SAMD4A: variants seen among roughly 807,000 people sequenced by gnomAD.
SAMD4A encodes protein Smaug homolog 1.
SAMD4A carries 33 observed loss-of-function variants against 81.3 expected under a neutral mutation model. That is an observed-to-expected ratio of 0.41 (90% CI 0.31 to 0.54). SAMD4A has a LOEUF of 0.54. Among genes scored for constraint, SAMD4A ranks in the 20% least tolerant of loss-of-function variants. SAMD4A has a pLI of 0.37. For missense variants in SAMD4A, 854 were observed against 951.1 expected, an observed-to-expected ratio of 0.90 and a Z score of 1.34; for synonymous variants, 389 against 382.1, an observed-to-expected ratio of 1.02 and a Z score of -0.21.
intron 2 of SAMD4A, among the ~76,000 whole-genome samples, chr14:54,628,780 A>C (rs2034826201): frequency 6.6e-6 from 1 of 152,208 alleles, no homozygotes; most frequent in Non-Finnish European, 1.5e-5. Flanking sequence ...TGTAGCTTGT[A>C]AGTGGCTGAG....
At position 54,607,745 on chromosome 14, in the gene SAMD4A, C is replaced by T. The variant is rs528612092; in HGVS notation, c.196+39633C>T. Among the ~76,000 whole-genome samples the T allele has an allele frequency of 1.9e-3, 283 of 152,194 alleles. 1 individual carries two copies. The highest frequency in any genetic ancestry group is 6.5e-3 in the African/African-American group (272 of 41,536). On this transcript the variant is annotated intron_variant, in intron 2 of 12. Coordinates refer to ENST00000554335, the MANE Select transcript of SAMD4A (RefSeq NM_015589.6). ...CTGGGATTACAGGCGTGAGCCACCG[C>T]GCCCGGCCTCAAGGTCTTATTTTAA... is the stretch of plus-strand genomic sequence containing the variant.
At chr14:54,673,691 G>C (rs1055637481) in intron 2 of SAMD4A, among the ~76,000 whole-genome samples, 1 of 152,240 alleles carries the variant, frequency 6.6e-6, no homozygotes, top group Admixed American at 6.5e-5. Flanking sequence ...GCAGCCCTTA[G>C]GAGGGAGCAG....
intron 2 of SAMD4A, chr14:54,690,202 G>A (rs2036396459): frequency 1.3e-5 from 2 of 152,134 alleles, no homozygotes; most frequent in South Asian, 4.2e-4. Flanking sequence ...CTCAATTGTG[G>A]TAGAGAAAAG....
chr14:54,603,051 C>T (rs915544399), intron 2 of SAMD4A, among the ~76,000 whole-genome samples: 7 of 152,210 alleles, frequency 4.6e-5, no homozygotes, highest in African/African-American at 1.7e-4. Context: ...TTTCTGGTTA[C>T]TCATAGAGTT....
chr14:54,672,658 T>C (rs77940074), intron 2 of SAMD4A, among the ~76,000 whole-genome samples: 8,942 of 152,322 alleles, frequency 0.059, 350 homozygotes, highest in Middle Eastern at 0.13. Flanking sequence ...AGAATAGTAT[T>C]ATTTTTTAAG....
At chr14:54,579,200 C>T (rs10134895) in intron 2 of SAMD4A, among the ~76,000 whole-genome samples, 5,709 of 152,262 alleles carry the variant, frequency 0.037, 358 homozygotes, top group African/African-American at 0.13. Context: ...AGAAGCAGAA[C>T]GAGTGGTTGT....
chr14:54,698,698 G>T (rs1009095217), intron 2 of SAMD4A, among the ~76,000 whole-genome samples: 1 of 152,210 alleles, frequency 6.6e-6, no homozygotes, highest in South Asian at 2.1e-4. Context: ...TCTGATTTCT[G>T]TGTTCCCAGT....
intron 6 of SAMD4A, among the ~76,000 whole-genome samples, chr14:54,757,383 TTGTGTGTGTGTGTGTGTG>T (rs3051653): frequency 5.0e-5 from 7 of 140,062 alleles, no homozygotes; most frequent in East Asian, 2.1e-4. Context: ...GTTTCTTTAT[TTGTGTGTGTGTGTGTGTG>T]TGTGTGTGTG....
intron 2 of SAMD4A, among the ~76,000 whole-genome samples, chr14:54,658,138 C>T (rs1008629999): frequency 5.9e-5 from 9 of 152,160 alleles, no homozygotes; most frequent in East Asian, 3.9e-4. Flanking sequence ...GGCGAAACCC[C>T]GTCACCACAA....
At chr14:54,728,859 G>A (rs374276825) in intron 3 of SAMD4A, among the ~76,000 whole-genome samples, 43 of 152,282 alleles carry the variant, frequency 2.8e-4, no homozygotes, top group African/African-American at 2.4e-4. Context: ...TCTGCTGGCC[G>A]TAGGATTTAG....
intron 12 of SAMD4A, among the ~76,000 whole-genome samples, chr14:54,785,756 A>G (rs2039124432): frequency 6.6e-6 from 1 of 152,180 alleles, no homozygotes; most frequent in Non-Finnish European, 1.5e-5. Context: ...GAAACCAAAT[A>G]TGAAATAGAT....
At chr14:54,665,626 A>C (rs1043803674) in intron 2 of SAMD4A, among the ~76,000 whole-genome samples, 1 of 152,228 alleles carries the variant, frequency 6.6e-6, no homozygotes, top group Non-Finnish European at 1.5e-5. Flanking sequence ...CCAAATTCAG[A>C]GCAGATGGTG....
At chr14:54,675,367 C>CAAAAGAAAAAAAAAAAA (rs2035969877) in intron 2 of SAMD4A, among the ~76,000 whole-genome samples, 1 of 75,390 alleles carries the variant, frequency 1.3e-5, no homozygotes, top group African/African-American at 4.8e-5. Flanking sequence ...ACTCCGTCTC[C>CAAAAGAAAAAAAAAAAA]AAAAAAAAAA....
At chr14:54,766,809 A>G (rs1014440424) in intron 8 of SAMD4A, among the ~76,000 whole-genome samples, 22 of 152,196 alleles carry the variant, frequency 1.4e-4, no homozygotes, top group African/African-American at 5.3e-4. Context: ...AGAAATCGTG[A>G]GTCCTCCAGC....
chr14:54,676,298 T>C (rs1310235490), intron 2 of SAMD4A, among the ~76,000 whole-genome samples: 1 of 152,250 alleles, frequency 6.6e-6, no homozygotes, highest in Non-Finnish European at 1.5e-5. Flanking sequence ...CCTATGGTAT[T>C]GGTTTCAAAC....
At chr14:54,640,692 A>G (rs1351348857) in intron 2 of SAMD4A, among the ~76,000 whole-genome samples, 1 of 152,128 alleles carries the variant, frequency 6.6e-6, no homozygotes, top group Non-Finnish European at 1.5e-5. Context: ...CAGCAGCTTC[A>G]TCAGCATGCC....
intron 2 of SAMD4A, among the ~76,000 whole-genome samples, chr14:54,617,065 T>C (rs2034507085): frequency 6.6e-6 from 1 of 152,150 alleles, no homozygotes; most frequent in Non-Finnish European, 1.5e-5. Context: ...TATACAAATA[T>C]ATATTTAAAA....
chr14:54,613,257 GACA>G (rs2034409483), intron 2 of SAMD4A, among the ~76,000 whole-genome samples: 1 of 152,178 alleles, frequency 6.6e-6, no homozygotes, highest in Non-Finnish European at 1.5e-5. Context: ...CACTGATTCT[GACA>G]ACAATAGAAA....
At chr14:54,592,219 G>A (rs1566536771) in intron 2 of SAMD4A, among the ~76,000 whole-genome samples, 1 of 152,034 alleles carries the variant, frequency 6.6e-6, no homozygotes, top group Non-Finnish European at 1.5e-5. Context: ...CTACATTCTG[G>A]TAGCATTGAG....
Sources: gnomAD v4.1 joint callset for allele counts (sites outside exome capture counted in the v4.1 genomes callset) on GRCh38, gnomAD v4.1.1 for gene constraint, MANE v1.5 for transcripts, NCBI Gene and HGNC (gene_info 2026-07-23, HGNC 2026-07-21) for gene names.